IKBKB-DT: variants seen among roughly 807,000 people sequenced by gnomAD.
The protein encoded by IKBKB-DT is IKBKB antisense RNA.
intron 3 of IKBKB-DT, among the ~76,000 whole-genome samples, chr8:42,240,970 G>A (rs559249443): frequency 2.8e-4 from 43 of 151,646 alleles, no homozygotes; most frequent in Admixed American, 1.6e-3. Flanking sequence ...GCAAGACTCC[G>A]TCTCAAAAAA....
intron 3 of IKBKB-DT, among the ~76,000 whole-genome samples, chr8:42,237,619 G>C (rs1447694300): frequency 1.3e-5 from 2 of 151,918 alleles, no homozygotes; most frequent in Non-Finnish European, 2.9e-5. Flanking sequence ...AAAAATTCTG[G>C]ACTGACACCC....
intron 3 of IKBKB-DT, among the ~76,000 whole-genome samples, chr8:42,258,181 T>A (rs1807232638): frequency 2.6e-5 from 4 of 152,202 alleles, no homozygotes. Flanking sequence ...AAGATGAAAC[T>A]CTAGTTTTAG....
chr8:42,269,420 G>A (rs1807446678), intron 1 of IKBKB-DT, among the ~76,000 whole-genome samples: 1 of 121,784 alleles, frequency 8.2e-6, no homozygotes, highest in Non-Finnish European at 1.7e-5. Context: ...TAGCAGCTGG[G>A]AAGGGAAGGG....
intron 3 of IKBKB-DT, among the ~76,000 whole-genome samples, chr8:42,240,252 GT>G (rs1159333612): frequency 2.7e-5 from 4 of 148,360 alleles, no homozygotes; most frequent in Non-Finnish European, 5.9e-5. Context: ...AATCACTTTG[GT>G]TTTTTTGTTC....
At chr8:42,267,977 G>A (rs1322342210) in intron 1 of IKBKB-DT, among the ~76,000 whole-genome samples, 1 of 152,154 alleles carries the variant, frequency 6.6e-6, no homozygotes, top group African/African-American at 2.4e-5. Context: ...AATTACAGGA[G>A]CGCAGAGTAA....
At chr8:42,264,013 T>C (rs1218124663) in intron 2 of IKBKB-DT, among the ~76,000 whole-genome samples, 1 of 151,960 alleles carries the variant, frequency 6.6e-6, no homozygotes, top group Admixed American at 6.6e-5. Context: ...GGTTTCACCA[T>C]GTTGGCCAGG....
chr8:42,264,883 A>T (rs113681108), intron 2 of IKBKB-DT, among the ~76,000 whole-genome samples: 2 of 126,174 alleles, frequency 1.6e-5, no homozygotes, highest in Non-Finnish European at 3.3e-5. Flanking sequence ...TTTTTTTGAG[A>T]TGGAGTTTTA....
intron 3 of IKBKB-DT, among the ~76,000 whole-genome samples, chr8:42,243,673 G>A (rs1807030597): frequency 6.6e-6 from 1 of 152,192 alleles, no homozygotes; most frequent in South Asian, 2.1e-4. Context: ...TCAGATGGTA[G>A]AATTGAGTTT....
intron 3 of IKBKB-DT, among the ~76,000 whole-genome samples, chr8:42,246,417 A>C (rs1313330396): frequency 6.6e-6 from 1 of 152,224 alleles, no homozygotes; most frequent in Admixed American, 6.5e-5. Flanking sequence ...TTCACTTTCT[A>C]TAATATGTTT....
chr8:42,240,909 AG>A (rs1806993564), intron 3 of IKBKB-DT, among the ~76,000 whole-genome samples: 2 of 152,156 alleles, frequency 1.3e-5, no homozygotes, highest in South Asian at 4.1e-4. Flanking sequence ...CTGGAAGCAG[AG>A]GTTGCTGTGA....
chr8:42,262,157 A>G (rs1443705070), intron 3 of IKBKB-DT, among the ~76,000 whole-genome samples: 2 of 151,806 alleles, frequency 1.3e-5, no homozygotes, highest in African/African-American at 4.8e-5. Context: ...GGGGAGGGAT[A>G]GCATTGGGAG....
chr8:42,267,942 T>A (rs1306032415), intron 1 of IKBKB-DT, among the ~76,000 whole-genome samples: 1 of 152,194 alleles, frequency 6.6e-6, no homozygotes, highest in Non-Finnish European at 1.5e-5. Context: ...CCAAGTTATT[T>A]TGAGCTGAGC....
In IKBKB-DT at chr8:42,264,730, T is replaced by G. The variant is rs561290949; in HGVS notation, n.1385+885A>C. Reference sequence around the variant, plus strand: ...CCCACCATCATGCCCAGCTAATTTTTGTATTTTTAGTAGAGACAGGGCTTC... The same window carrying G: ...CCCACCATCATGCCCAGCTAATTTTGGTATTTTTAGTAGAGACAGGGCTTC... On this transcript the variant is annotated intron_variant and non_coding_transcript_variant, in intron 2 of 3. Transcript: ENST00000518213. Among the ~76,000 whole-genome samples, 43 of 152,126 alleles carry G rather than the reference T, an allele frequency of 2.8e-4. No individual in the cohort carries two copies. The South Asian group carries it at 8.7e-3, about 31-fold the overall frequency.
chr8:42,235,668 A>G (rs1806910815), intron 3 of IKBKB-DT, among the ~76,000 whole-genome samples: 1 of 152,110 alleles, frequency 6.6e-6, no homozygotes, highest in South Asian at 2.1e-4. Context: ...TGCCCACGAA[A>G]CTATCTTTGA....
At chr8:42,248,594 C>A (rs889989029) in intron 3 of IKBKB-DT, among the ~76,000 whole-genome samples, 1 of 151,998 alleles carries the variant, frequency 6.6e-6, no homozygotes, top group Admixed American at 6.6e-5. Flanking sequence ...TTAAGAGACC[C>A]AAATAGCCGG....
At chr8:42,240,624 CAAAA>C (rs1208809199) in intron 3 of IKBKB-DT, among the ~76,000 whole-genome samples, 901 of 26,376 alleles carry the variant, frequency 0.034, 11 homozygotes, top group East Asian at 0.053. Flanking sequence ...GACTCAGTCT[CAAAA>C]AAAAAAAAAA....
intron 1 of IKBKB-DT, among the ~76,000 whole-genome samples, chr8:42,268,912 T>G (rs570674452): frequency 1.3e-5 from 2 of 152,326 alleles, no homozygotes; most frequent in African/African-American, 4.8e-5. Context: ...CAAACACTTA[T>G]ATTGCACTTA....
At chr8:42,241,004 C>T (rs994994880) in intron 3 of IKBKB-DT, among the ~76,000 whole-genome samples, 11 of 151,968 alleles carry the variant, frequency 7.2e-5, no homozygotes, top group Admixed American at 2.6e-4. Flanking sequence ...TTTAGGACAC[C>T]GACAAAATGA....
chr8:42,259,414 C>G (rs1190731362), intron 3 of IKBKB-DT, among the ~76,000 whole-genome samples: 2 of 152,144 alleles, frequency 1.3e-5, no homozygotes, highest in East Asian at 1.9e-4. Context: ...CAAGAGTAGA[C>G]AGACCTATAT....
Sources: allele counts gnomAD v4.1 joint callset (sites outside exome capture counted in the v4.1 genomes callset), GRCh38; gene constraint gnomAD v4.1.1; transcripts MANE v1.5; gene names NCBI Gene and HGNC (gene_info 2026-07-23, HGNC 2026-07-21).